EFCAB11: variants seen among roughly 807,000 people sequenced by gnomAD.
The protein encoded by EFCAB11 is EF-hand calcium-binding domain-containing protein 11.
A neutral mutation model predicts 23.0 loss-of-function variants in EFCAB11; 14 were observed. That is an observed-to-expected ratio of 0.61 (90% CI 0.40 to 0.95). The LOEUF (loss-of-function observed/expected upper bound fraction) is 0.95, where lower values mean the gene tolerates loss of function less well. Among genes scored for constraint, EFCAB11 ranks in the 40% least tolerant of loss-of-function variants. The pLI, the probability that EFCAB11 is intolerant of heterozygous loss-of-function variation, is 0.00. For synonymous variants in EFCAB11, 65 were observed against 66.6 expected (o/e 0.98, Z 0.11); for missense variants, 198 against 195.8 (o/e 1.01, Z -0.07).
At chr14:89,952,026 T>C (rs117379205) in intron 2 of EFCAB11, among the ~76,000 whole-genome samples, 121 of 152,332 alleles carry the variant, frequency 7.9e-4, no homozygotes, top group Admixed American at 1.8e-3. Context: ...AGTGAATATT[T>C]CATTTGCTCA....
intron 5 of EFCAB11, among the ~76,000 whole-genome samples, chr14:89,844,702 G>A (rs767793746): frequency 7.9e-5 from 12 of 152,220 alleles, no homozygotes; most frequent in Non-Finnish European, 1.0e-4. Context: ...CCCCACACCC[G>A]ATACCTGGTT....
intron 5 of EFCAB11, among the ~76,000 whole-genome samples, chr14:89,897,313 C>T (rs1173350120): frequency 6.6e-6 from 1 of 150,548 alleles, no homozygotes. Flanking sequence ...GTTCAAGCAA[C>T]TTTCCTGCCT....
At chr14:89,938,636 T>C (rs1264996214) in intron 3 of EFCAB11, among the ~76,000 whole-genome samples, 1 of 152,058 alleles carries the variant, frequency 6.6e-6, no homozygotes, top group Non-Finnish European at 1.5e-5. Context: ...TAAAAACAGT[T>C]AGAGGCCAGG....
chr14:89,800,782 C>T (rs1280889099), intron 5 of EFCAB11, among the ~76,000 whole-genome samples: 1 of 152,218 alleles, frequency 6.6e-6, no homozygotes, highest in East Asian at 1.9e-4. Flanking sequence ...GTGGCTCACA[C>T]CTGTAATCCC....
intron 5 of EFCAB11, among the ~76,000 whole-genome samples, chr14:89,885,680 A>G (rs1888732969): frequency 6.6e-6 from 1 of 151,540 alleles, no homozygotes; most frequent in Non-Finnish European, 1.5e-5. Flanking sequence ...CTGTTGAAAA[A>G]AAAAAAGAGA....
chr14:89,829,280 T>C (rs533579662), intron 5 of EFCAB11, among the ~76,000 whole-genome samples: 1 of 152,328 alleles, frequency 6.6e-6, no homozygotes, highest in Admixed American at 6.5e-5. Flanking sequence ...GAGGAGGTCC[T>C]GCTATGAAAA....
intron 5 of EFCAB11, among the ~76,000 whole-genome samples, chr14:89,911,045 C>G (rs907072658): frequency 2.0e-5 from 3 of 152,270 alleles, no homozygotes; most frequent in African/African-American, 7.2e-5. Context: ...TTGGAGAAAA[C>G]AGACAAATGA....
chr14:89,896,464 T>C (rs888104306), intron 5 of EFCAB11, among the ~76,000 whole-genome samples: 1 of 152,188 alleles, frequency 6.6e-6, no homozygotes, highest in African/African-American at 2.4e-5. Flanking sequence ...GGAATGTAAA[T>C]TGATATGAAT....
intron 5 of EFCAB11, among the ~76,000 whole-genome samples, chr14:89,919,039 A>T (rs960312184): frequency 3.3e-5 from 5 of 151,512 alleles, no homozygotes; most frequent in Non-Finnish European, 7.4e-5. Flanking sequence ...TGGTAGCCCA[A>T]ACACTTTGGT....
intron 5 of EFCAB11, among the ~76,000 whole-genome samples, chr14:89,926,478 G>A (rs1255921086): frequency 1.4e-4 from 21 of 152,114 alleles, no homozygotes; most frequent in African/African-American, 5.1e-4. Context: ...AAAAGGATAT[G>A]AGACATCAGC....
intron 5 of EFCAB11, among the ~76,000 whole-genome samples, chr14:89,909,407 G>T (rs1347510462): frequency 6.6e-6 from 1 of 152,088 alleles, no homozygotes; most frequent in Non-Finnish European, 1.5e-5. Flanking sequence ...GCAAAACCTC[G>T]TCTCTACTAA....
At chr14:89,950,952 C>T (rs1179002569) in intron 2 of EFCAB11, among the ~76,000 whole-genome samples, 1 of 152,108 alleles carries the variant, frequency 6.6e-6, no homozygotes, top group Non-Finnish European at 1.5e-5. Context: ...CATGGCTCTT[C>T]CTATTCTGCA....
intron 5 of EFCAB11, among the ~76,000 whole-genome samples, chr14:89,868,022 G>A (rs982638923): frequency 2.6e-5 from 4 of 152,162 alleles, no homozygotes; most frequent in Admixed American, 6.5e-5. Flanking sequence ...AAAATTAAGC[G>A]CCATTCATTA....
chr14:89,883,613 G>A (rs765117485), intron 5 of EFCAB11, among the ~76,000 whole-genome samples: 10 of 152,178 alleles, frequency 6.6e-5, no homozygotes, highest in East Asian at 1.9e-4. Context: ...TATGTTCAGC[G>A]TAGATGTAAC....
intron 3 of EFCAB11, among the ~76,000 whole-genome samples, chr14:89,933,481 G>T (rs1381723889): frequency 2.0e-5 from 3 of 152,136 alleles, no homozygotes; most frequent in Non-Finnish European, 4.4e-5. Flanking sequence ...TTTTAGTGAT[G>T]TAATACTAAG....
At chr14:89,924,482 G>A (rs1283142120) in intron 5 of EFCAB11, 1 of 1,391,998 alleles carries the variant, frequency 7.2e-7, no homozygotes, top group East Asian at 2.7e-5. Context: ...CAACTGACAG[G>A]TGGTGGGAAT....
At chr14:89,949,795 G>A (rs1891102011) in intron 3 of EFCAB11, among the ~76,000 whole-genome samples, 2 of 152,296 alleles carry the variant, frequency 1.3e-5, no homozygotes, top group East Asian at 1.9e-4. Flanking sequence ...CCACGTGGCT[G>A]GAGAAACCTC....
At chr14:89,837,698 T>G (rs768790296) in intron 5 of EFCAB11, among the ~76,000 whole-genome samples, 16 of 152,086 alleles carry the variant, frequency 1.1e-4, no homozygotes, top group Non-Finnish European at 2.2e-4. Flanking sequence ...AATAAACCCA[T>G]GCTGGTAGTG....
chr14:89,830,948 C>T (rs1886863531), intron 5 of EFCAB11: 1 of 152,168 alleles, frequency 6.6e-6, no homozygotes, highest in Admixed American at 6.6e-5. Context: ...AACTCCATAC[C>T]TATCATAGGT....
Sources: allele counts gnomAD v4.1 joint callset (sites outside exome capture counted in the v4.1 genomes callset), GRCh38; gene constraint gnomAD v4.1.1; transcripts MANE v1.5; gene names NCBI Gene and HGNC (gene_info 2026-07-23, HGNC 2026-07-21).